Variants in CNTNAP5 observed in about 807,000 individuals in gnomAD.
CNTNAP5 encodes contactin-associated protein-like 5.
In CNTNAP5, 72 loss-of-function variants were observed where a neutral mutation model predicts 150.2. That is an observed-to-expected ratio of 0.48 (90% CI 0.40 to 0.58). The LOEUF (loss-of-function observed/expected upper bound fraction) is 0.58. Among genes scored for constraint, CNTNAP5 ranks in the 20% least tolerant of loss-of-function variants. The probability of loss-of-function intolerance (pLI) is 0.00; values close to 1 mark genes in which losing one functional copy is unlikely to be tolerated. For synonymous variants in CNTNAP5, 672 were observed against 619.8 expected (o/e 1.08, Z -1.25); for missense variants, 1,636 against 1,626.2 (o/e 1.01, Z -0.10).
chr2:124,329,749 T>C (rs931729866), intron 3 of CNTNAP5, among the ~76,000 whole-genome samples: 1 of 152,202 alleles, frequency 6.6e-6, no homozygotes, highest in Non-Finnish European at 1.5e-5. Context: ...AGGTAGTGTT[T>C]GGAGGCTTCC....
chr2:124,052,932 G>C (rs532261934), intron 1 of CNTNAP5, among the ~76,000 whole-genome samples: 7 of 152,080 alleles, frequency 4.6e-5, no homozygotes, highest in East Asian at 3.9e-4. Flanking sequence ...ACCCCTCCTT[G>C]CCTGGCTGAC....
intron 13 of CNTNAP5, among the ~76,000 whole-genome samples, chr2:124,740,037 A>G (rs532960264): frequency 6.6e-6 from 1 of 151,538 alleles, no homozygotes; most frequent in South Asian, 2.1e-4. Context: ...ATTGAATATA[A>G]TATATGCAAT....
At chr2:124,613,746 C>G (rs1482270365) in intron 12 of CNTNAP5, among the ~76,000 whole-genome samples, 1 of 152,186 alleles carries the variant, frequency 6.6e-6, no homozygotes, top group African/African-American at 2.4e-5. Flanking sequence ...GCACACAGGG[C>G]AGTCTTCAGG....
chr2:124,548,111 G>A (rs1224137207), intron 10 of CNTNAP5, among the ~76,000 whole-genome samples: 1 of 152,100 alleles, frequency 6.6e-6, no homozygotes, highest in Non-Finnish European at 1.5e-5. Flanking sequence ...GTTGAAAGAG[G>A]GGGAAAAAAC....
At chr2:124,117,851 A>G (rs756761327) in intron 1 of CNTNAP5, among the ~76,000 whole-genome samples, 14 of 152,296 alleles carry the variant, frequency 9.2e-5, no homozygotes, top group Admixed American at 5.9e-4. Context: ...GTCAGAAATT[A>G]AGTGGGAGGA....
intron 6 of CNTNAP5, among the ~76,000 whole-genome samples, chr2:124,473,676 G>A (rs1216487097): frequency 6.6e-6 from 1 of 151,890 alleles, no homozygotes; most frequent in Non-Finnish European, 1.5e-5. Flanking sequence ...TCCAAATATA[G>A]ATATAGTTGA....
rs1394487199 is a variant in CNTNAP5 at position 124,893,851 on chromosome 2, C to T, written c.3437-9031C>T. On this transcript the variant is annotated intron_variant, in intron 21 of 23. Transcript: ENST00000682447. The stretch of plus-strand genomic sequence containing the variant: ...TAGGCTCTCTGGATCTTTATAGAGG[C>T]CAGTATACGACTCATCAGAAATAAC... 3.3e-5 allele frequency among the ~76,000 whole-genome samples: 5 copies of T among 151,766 alleles called. No homozygotes were observed. In the South Asian group the frequency reaches 6.2e-4, roughly 19 times the overall value.
intron 3 of CNTNAP5, among the ~76,000 whole-genome samples, chr2:124,354,604 A>G (rs114688910): frequency 0.044 from 6,746 of 152,262 alleles, 218 homozygotes; most frequent in Non-Finnish European, 0.07. Context: ...AGGAATCTTG[A>G]CGTGAGTCTC....
intron 2 of CNTNAP5, among the ~76,000 whole-genome samples, chr2:124,241,533 C>T (rs926662605): frequency 6.6e-6 from 1 of 152,126 alleles, no homozygotes; most frequent in African/African-American, 2.4e-5. Context: ...GCTCTGTGTA[C>T]CTGCTGTTTA....
intron 10 of CNTNAP5, among the ~76,000 whole-genome samples, chr2:124,537,428 C>G (rs1349369087): frequency 2.0e-5 from 3 of 152,184 alleles, no homozygotes; most frequent in South Asian, 4.1e-4. Context: ...CCTCGCAGCT[C>G]ACTGTCACTA....
In CNTNAP5 at chr2:124,497,962, G is replaced by A. The variant is rs146168248; in HGVS notation, c.1063-6330G>A. Reference sequence around the variant, plus strand: ...AGACTTAACTACTACTGTGTTCTCTGTGTCAAAAGTCTTGAGGAAGTAAAC... The same window carrying A: ...AGACTTAACTACTACTGTGTTCTCTATGTCAAAAGTCTTGAGGAAGTAAAC... On this transcript the variant is annotated intron_variant, in intron 7 of 23. Transcript: ENST00000682447. Among the ~76,000 whole-genome samples, 1,501 of 152,302 alleles carry A rather than the reference G, an allele frequency of 9.9e-3. 11 individuals carry two copies. Among genetic ancestry groups the A allele is most frequent in the Middle Eastern group, 0.017 (5 of 294 alleles).
intron 19 of CNTNAP5, among the ~76,000 whole-genome samples, chr2:124,829,559 A>G (rs1323570902): frequency 3.3e-5 from 5 of 152,130 alleles, no homozygotes; most frequent in Non-Finnish European, 7.4e-5. Flanking sequence ...ACATAGTGGT[A>G]TATACATAAT....
At position 124,917,313 on chromosome 2, in the gene CNTNAP5, A is replaced by G. The variant is rs571594669; in HGVS notation, c.*3025A>G. Among the ~76,000 whole-genome samples, 1 of 152,170 alleles carries G rather than the reference A, an allele frequency of 6.6e-6. No individual in the cohort carries two copies. The highest frequency in any genetic ancestry group is 2.1e-4 in the South Asian group (1 of 4,826). On this transcript the variant is annotated 3_prime_UTR_variant, in exon 24 of 24. Coordinates refer to ENST00000682447, the MANE Select transcript of CNTNAP5 (RefSeq NM_001367498.1). Reference sequence around the variant, plus strand: ...TTTCACATTTTAATGGAGCTGTTTCATTGATATTTTTTTCCACCAAACAAA... The same window carrying G: ...TTTCACATTTTAATGGAGCTGTTTCGTTGATATTTTTTTCCACCAAACAAA...
At position 124,194,393 on chromosome 2, in the gene CNTNAP5, ATATATATATATATATATAAATAT is replaced by A. The variant is rs1685530654; in HGVS notation, c.83-27311_83-27289del. Among the ~76,000 whole-genome samples, 7 of 12,520 alleles carry A rather than the reference ATATATATATATATATATAAATAT, an allele frequency of 5.6e-4. No individual in the cohort carries two copies. In the East Asian group the frequency reaches 0.01, roughly 18 times the overall value. 8.2% of individuals were successfully genotyped at this position (12,520 alleles called of 152,430 possible). ...TATATATATATATATATATATATAT[ATATATATATATATATATAAATAT>A]AAATAGGTGTGCTGTATGTTCAGGT... On this transcript the variant is annotated intron_variant, in intron 1 of 23. Coordinates refer to ENST00000682447, the MANE Select transcript of CNTNAP5 (RefSeq NM_001367498.1).
At chr2:124,913,735 A>G (rs1326136802) in intron 23 of CNTNAP5, among the ~76,000 whole-genome samples, 1 of 152,060 alleles carries the variant, frequency 6.6e-6, no homozygotes, top group Admixed American at 6.6e-5. Flanking sequence ...AAAATGGGCT[A>G]ATTACAAATG....
At chr2:124,131,514 G>A (rs1459072939) in intron 1 of CNTNAP5, among the ~76,000 whole-genome samples, 1 of 152,192 alleles carries the variant, frequency 6.6e-6, no homozygotes, top group Non-Finnish European at 1.5e-5. Flanking sequence ...CTCCAGTCAG[G>A]AATTGGATTG....
At chr2:124,389,070 T>C (rs1462065217) in intron 3 of CNTNAP5, among the ~76,000 whole-genome samples, 1 of 152,168 alleles carries the variant, frequency 6.6e-6, no homozygotes, top group Non-Finnish European at 1.5e-5. Flanking sequence ...TTTTTAAAAA[T>C]CTTATTTCAA....
At chr2:124,383,774 T>C (rs1297661592) in intron 3 of CNTNAP5, among the ~76,000 whole-genome samples, 1 of 152,212 alleles carries the variant, frequency 6.6e-6, no homozygotes, top group Non-Finnish European at 1.5e-5. Flanking sequence ...ACAGCAAAAG[T>C]GTATTTTATC....
chr2:124,609,582 AT>A (rs1395280999), intron 11 of CNTNAP5, among the ~76,000 whole-genome samples: 1 of 152,114 alleles, frequency 6.6e-6, no homozygotes, highest in African/African-American at 2.4e-5. Flanking sequence ...ACAAATAATA[AT>A]AAAAAGAGAG....
Sources: gnomAD v4.1 joint callset for allele counts (sites outside exome capture counted in the v4.1 genomes callset) on GRCh38, gnomAD v4.1.1 for gene constraint, MANE v1.5 for transcripts, NCBI Gene and HGNC (gene_info 2026-07-23, HGNC 2026-07-21) for gene names.